The following TENM2 variants were observed in gnomAD, a reference collection of about 807,000 sequenced individuals.
TENM2 encodes the protein teneurin transmembrane protein 2.
In TENM2, 52 loss-of-function variants were observed where a neutral mutation model predicts 245.2. The observed-to-expected ratio is 0.21, with a 90% CI of 0.17 to 0.27. The LOEUF (loss-of-function observed/expected upper bound fraction) is 0.27. Among genes scored for constraint, TENM2 ranks in the 10% least tolerant of loss-of-function variants. The pLI is 1.00. For synonymous variants in TENM2, 1,363 were observed against 1,438.9 expected, an observed-to-expected ratio of 0.95 and a Z score of 1.19; for missense variants, 3,046 against 3,666.8, an observed-to-expected ratio of 0.83 and a Z score of 4.37.
At chr5:167,572,193 C>T (rs138340107) in intron 2 of TENM2, among the ~76,000 whole-genome samples, 1 of 152,288 alleles carries the variant, frequency 6.6e-6, no homozygotes, top group African/African-American at 2.4e-5. Flanking sequence ...TATGACACTT[C>T]GAGTTTAACA....
chr5:167,762,135 CCT>C (rs149957987), intron 2 of TENM2, among the ~76,000 whole-genome samples: 4 of 150,714 alleles, frequency 2.7e-5, no homozygotes, highest in Non-Finnish European at 3.0e-5. Context: ...CTTTCTCTCT[CCT>C]CTCTCTCTCT....
At chr5:167,260,420 C>A in the TENM2 span, among the ~76,000 whole-genome samples, 1 of 152,166 alleles carries the variant, frequency 6.6e-6, no homozygotes, top group African/African-American at 2.4e-5. Context: ...CACTATGTCA[C>A]TGTAATTACA....
At chr5:167,883,599 C>G (rs1774050762) in intron 3 of TENM2, among the ~76,000 whole-genome samples, 2 of 152,174 alleles carry the variant, frequency 1.3e-5, no homozygotes, top group South Asian at 4.1e-4. Flanking sequence ...ACAAAATTCT[C>G]AGGGTCGATA....
chr5:167,863,067 C>T (rs79452704), intron 2 of TENM2, among the ~76,000 whole-genome samples: 75 of 152,262 alleles, frequency 4.9e-4, no homozygotes, highest in Non-Finnish European at 1.0e-3. Flanking sequence ...CTTGGCTTTG[C>T]GCATTACTTA....
At chr5:167,024,827 C>G in the TENM2 span, among the ~76,000 whole-genome samples, 2 of 152,184 alleles carry the variant, frequency 1.3e-5, no homozygotes, top group Non-Finnish European at 2.9e-5. Context: ...CCAGATTCAT[C>G]TTTTTTCAAC....
the TENM2 span, among the ~76,000 whole-genome samples, chr5:166,979,382 C>CCT: frequency 1.8e-4 from 27 of 151,436 alleles, no homozygotes; most frequent in Non-Finnish European, 3.5e-4. Context: ...CCCTTCTTTC[C>CCT]CTCTCTCTCT....
At chr5:167,590,674 ATT>A (rs761945242) in intron 2 of TENM2, among the ~76,000 whole-genome samples, 10 of 151,774 alleles carry the variant, frequency 6.6e-5, no homozygotes, top group Non-Finnish European at 1.5e-4. Flanking sequence ...CCTCAGTAGT[ATT>A]TTTTTCCTCT....
intron 27 of TENM2, among the ~76,000 whole-genome samples, chr5:168,259,409 GA>G (rs1767986054): frequency 6.6e-6 from 1 of 152,086 alleles, no homozygotes; most frequent in African/African-American, 2.4e-5. Context: ...CCAACATGGA[GA>G]AACCCTGTCT....
rs1393159145 is a variant in TENM2 at position 167,427,551 on chromosome 5, AC to A, written c.502+52079del. Among the ~76,000 whole-genome samples, 9 of 134,588 alleles carry A rather than the reference AC, an allele frequency of 6.7e-5. No individual in the cohort carries two copies. In the South Asian group the frequency reaches 1.6e-3, roughly 24 times the overall value. 88.3% of individuals were successfully genotyped at this position (134,588 alleles called of 152,430 possible). On this transcript the variant is annotated intron_variant, in intron 2 of 28. Coordinates refer to ENST00000518659, the Ensembl canonical transcript of TENM2. ...GGGAAGGATGGGAAGGAAGGGAAGG[AC>A]GGGAAGGAAGGGAAGGAAGGAAGGA... is the stretch of plus-strand genomic sequence containing the variant.
At chr5:167,675,706 T>A (rs774475116) in intron 2 of TENM2, among the ~76,000 whole-genome samples, 5 of 152,092 alleles carry the variant, frequency 3.3e-5, no homozygotes, top group Non-Finnish European at 5.9e-5. Context: ...TATCTTTCTA[T>A]CAACATAGTG....
chr5:167,510,228 G>A (rs918679748), intron 2 of TENM2, among the ~76,000 whole-genome samples: 2 of 152,160 alleles, frequency 1.3e-5, no homozygotes, highest in Non-Finnish European at 2.9e-5. Flanking sequence ...ACTCTCTGAA[G>A]TTTTCAAGTT....
chr5:167,987,023 T>C (rs1280647043), intron 4 of TENM2, among the ~76,000 whole-genome samples: 1 of 152,202 alleles, frequency 6.6e-6, no homozygotes, highest in South Asian at 2.1e-4. Context: ...CTTGGAAGAA[T>C]AGTACCATGT....
At chr5:167,483,662 C>G (rs550259657) in intron 2 of TENM2, among the ~76,000 whole-genome samples, 1 of 152,260 alleles carries the variant, frequency 6.6e-6, no homozygotes, top group African/African-American at 2.4e-5. Context: ...TGAGTACATT[C>G]TTTTTCTTCT....
intron 1 of TENM2, among the ~76,000 whole-genome samples, chr5:167,327,069 C>T (rs1757132329): frequency 6.6e-6 from 1 of 152,240 alleles, no homozygotes; most frequent in Non-Finnish European, 1.5e-5. Flanking sequence ...TGCATGTGCA[C>T]AACATGCAGG....
At chr5:168,106,946 G>C (rs1794291335) in intron 9 of TENM2, among the ~76,000 whole-genome samples, 1 of 152,182 alleles carries the variant, frequency 6.6e-6, no homozygotes, top group Non-Finnish European at 1.5e-5. Context: ...TGTAATCCCA[G>C]CTACTGAGGT....
chr5:167,649,396 A>G lies in TENM2; in HGVS notation c.503-226590A>G, dbSNP rs148860098. ...TCTTTTCTCTTCCAAACAAGGCTAC[A>G]CACCTGACACCTTGCCTAGTAATGG... On this transcript the variant is annotated intron_variant, in intron 2 of 28. Transcript: ENST00000518659. Among the ~76,000 whole-genome samples the G allele has an allele frequency of 3.2e-3, 492 of 152,284 alleles. 3 individuals carry two copies. The highest frequency in any genetic ancestry group is 0.011 in the African/African-American group (462 of 41,554).
intron 2 of TENM2, among the ~76,000 whole-genome samples, chr5:167,852,493 T>A (rs1770675880): frequency 1.3e-5 from 2 of 152,218 alleles, no homozygotes; most frequent in South Asian, 4.1e-4. Flanking sequence ...TAGCTGTAAA[T>A]TGTTTTTTAT....
chr5:167,809,993 C>G (rs1766513491), intron 2 of TENM2, among the ~76,000 whole-genome samples: 3 of 152,218 alleles, frequency 2.0e-5, no homozygotes, highest in Admixed American at 1.3e-4. Flanking sequence ...TGAATTTGCT[C>G]TGCCGTCTGG....
At chr5:167,331,725 A>G (rs1412271192) in intron 1 of TENM2, among the ~76,000 whole-genome samples, 3 of 152,214 alleles carry the variant, frequency 2.0e-5, no homozygotes, top group Non-Finnish European at 4.4e-5. Context: ...AGTGAGACCC[A>G]TTAAATGTGA....
Sources: allele counts gnomAD v4.1 joint callset (sites outside exome capture counted in the v4.1 genomes callset), GRCh38; gene constraint gnomAD v4.1.1; transcripts MANE v1.5; gene names NCBI Gene and HGNC (gene_info 2026-07-23, HGNC 2026-07-21).